BLOC1S3: variants seen among roughly 807,000 people sequenced by gnomAD.
The protein encoded by BLOC1S3 is biogenesis of lysosome-related organelles complex 1 subunit 3.
In BLOC1S3, 7 loss-of-function variants were observed where a neutral mutation model predicts 9.1. The observed-to-expected ratio is 0.77, with a 90% CI of 0.44 to 1.45. BLOC1S3 has a LOEUF of 1.45. Ranked by LOEUF, BLOC1S3 falls within the 40% of genes most tolerant of loss-of-function variation. BLOC1S3 has a pLI of 0.01. For synonymous variants in BLOC1S3, 145 were observed against 158.4 expected (o/e 0.92, Z 0.64); for missense variants, 307 against 315.2 (o/e 0.97, Z 0.20).
intron 3 of BLOC1S3, among the ~76,000 whole-genome samples, chr19:45,216,477 G>A (rs576630852): frequency 1.3e-5 from 2 of 152,242 alleles, no homozygotes; most frequent in Admixed American, 1.3e-4. Context: ...TACTCAGGAG[G>A]CTGAAGCAGG....
intron 2 of BLOC1S3, among the ~76,000 whole-genome samples, chr19:45,193,789 G>GTT (rs375395115): frequency 3.9e-5 from 5 of 129,094 alleles, no homozygotes; most frequent in African/African-American, 1.5e-4. Flanking sequence ...CATTTTTTCT[G>GTT]TTTTTTTTTT....
chr19:45,190,441 C>T (rs1248761132), intron 2 of BLOC1S3, among the ~76,000 whole-genome samples: 2 of 151,662 alleles, frequency 1.3e-5, no homozygotes, highest in African/African-American at 4.8e-5. Flanking sequence ...GCTCTATCAC[C>T]CAGGCTGGAG....
intron 2 of BLOC1S3, among the ~76,000 whole-genome samples, chr19:45,195,450 G>A (rs996084224): frequency 2.0e-5 from 3 of 151,560 alleles, no homozygotes; most frequent in African/African-American, 7.3e-5. Flanking sequence ...CAAGTGATCC[G>A]CCCACTTTGG....
rs947596880 is a variant in BLOC1S3 at position 45,180,195 on chromosome 19, T to G, written c.*290T>G. On this transcript the variant is annotated 3_prime_UTR_variant, in exon 2 of 2. Coordinates refer to ENST00000433642, the MANE Select transcript of BLOC1S3 (RefSeq NM_212550.5). ...GGGCTTGGCTCCAGCCTTTGTTACA[T>G]AGTTGCTCCTTAATCTGTTTCCACC... The G allele has an allele frequency of 5.9e-6, 2 of 337,770 alleles. No individual in the cohort carries two copies. The highest frequency in any genetic ancestry group is 1.1e-5 in the Non-Finnish European group (2 of 178,932). 20.9% of individuals were successfully genotyped at this position (337,770 alleles called of 1,614,324 possible). A position where few individuals can be genotyped will look rare whatever the true frequency, so the allele number is the denominator to read the frequency against.
At chr19:45,193,579 T>C (rs1440822913) in intron 2 of BLOC1S3, among the ~76,000 whole-genome samples, 4 of 151,840 alleles carry the variant, frequency 2.6e-5, no homozygotes, top group Non-Finnish European at 1.5e-5. Flanking sequence ...GCCCGTTTCT[T>C]TGTATGTTTT....
chr19:45,182,796 G>A (rs1969535663), downstream of BLOC1S3, among the ~76,000 whole-genome samples: 1 of 152,188 alleles, frequency 6.6e-6, no homozygotes, highest in South Asian at 2.1e-4. Context: ...AGGATTACAG[G>A]CATGAGCCAC....
intron 2 of BLOC1S3, among the ~76,000 whole-genome samples, chr19:45,196,674 T>C (rs11673520): frequency 0.4 from 60,824 of 151,448 alleles, 13,066 homozygotes; most frequent in Non-Finnish European, 0.46. Context: ...GGGTGGATCA[T>C]AAGGTCAGGA....
rs1969643916 is a variant in BLOC1S3 at position 45,195,806 on chromosome 19, G to A, written n.181-6600G>A. Reference sequence around the variant, plus strand: ...GACAAGGTTTCACCATGTTGGCCAGGCTGGTCTCGACCTCCCAACTTCAGG... The same window carrying A: ...GACAAGGTTTCACCATGTTGGCCAGACTGGTCTCGACCTCCCAACTTCAGG... On this transcript the variant is annotated intron_variant and non_coding_transcript_variant, in intron 2 of 3. Coordinates refer to the BLOC1S3 transcript ENST00000591569. 2.0e-5 allele frequency among the ~76,000 whole-genome samples: 3 copies of A among 152,146 alleles called. No individual in the cohort carries two copies. The South Asian group carries it at 6.2e-4, about 32-fold the overall frequency.
At chr19:45,189,986 T>G (rs1267748824) in intron 2 of BLOC1S3, among the ~76,000 whole-genome samples, 1 of 152,108 alleles carries the variant, frequency 6.6e-6, no homozygotes, top group Non-Finnish European at 1.5e-5. Context: ...TCAAATAGCC[T>G]TTCTTCAAGT....
chr19:45,213,402 A>G (rs780869435), intron 3 of BLOC1S3: 1 of 1,603,272 alleles, frequency 6.2e-7, no homozygotes, highest in Non-Finnish European at 8.5e-7. Flanking sequence ...CCCCAGCTCT[A>G]GACACACACC....
Position 45,179,177 on chromosome 19 carries a change from T to A in BLOC1S3, c.-9-111T>A, listed in dbSNP as rs531234887. 8.0e-7 allele frequency: 1 copy of A among 1,255,498 alleles called. No homozygotes were observed. Among genetic ancestry groups the A allele is most frequent in the Non-Finnish European group, 1.0e-6 (1 of 960,978 alleles). 77.8% of individuals were successfully genotyped at this position (1,255,498 alleles called of 1,614,324 possible). Reference sequence around the variant, plus strand: ...AACTGAGGCCCAGACGGGGAGCAGCTGACACCAAGTCGTTAAGAGAATCAG... The same window carrying A: ...AACTGAGGCCCAGACGGGGAGCAGCAGACACCAAGTCGTTAAGAGAATCAG... On this transcript the variant is annotated intron_variant, in intron 1 of 1. Transcript: ENST00000433642. The surrounding 1 kb of genome is among the most constrained non-coding windows in gnomAD (Gnocchi z 4.6).
intron 3 of BLOC1S3, chr19:45,216,325 C>CAA: frequency 1.5e-6 from 2 of 1,322,400 alleles, no homozygotes; most frequent in South Asian, 1.5e-5. Flanking sequence ...CCTGTAATCC[C>CAA]AGCACTTTGG....
intron 2 of BLOC1S3, among the ~76,000 whole-genome samples, chr19:45,192,093 T>C (rs1376798498): frequency 7.2e-5 from 11 of 152,298 alleles, no homozygotes; most frequent in Admixed American, 1.3e-4. Flanking sequence ...TTAGGGACTC[T>C]ACCTGGTACT....
intron 3 of BLOC1S3, among the ~76,000 whole-genome samples, chr19:45,215,431 A>G (rs1322128719): frequency 6.6e-6 from 1 of 152,096 alleles, no homozygotes; most frequent in Non-Finnish European, 1.5e-5. Context: ...TGATTGTGCC[A>G]CTGCACTCCA....
rs200809286 is a variant in BLOC1S3 at position 45,213,044 on chromosome 19, A to C, written n.283-3632A>C. 189 of 1,462,846 alleles carry C rather than the reference A, an allele frequency of 1.3e-4. No homozygotes were observed. In the African/African-American group the frequency reaches 2.5e-3, roughly 19 times the overall value. The allele number at this position is 1,462,846 out of a possible 1,614,324, so 90.6% of individuals were successfully genotyped here. ...GCTTGTCAGCAGCATAGATGGGGTC[A>C]CTAAGGCCGGCGGTTGGGTGACCCT... On this transcript the variant is annotated intron_variant and non_coding_transcript_variant, in intron 3 of 3. Coordinates refer to the BLOC1S3 transcript ENST00000591569.
chr19:45,196,773 T>C (rs1266924521), intron 2 of BLOC1S3, among the ~76,000 whole-genome samples: 1 of 151,672 alleles, frequency 6.6e-6, no homozygotes, highest in Non-Finnish European at 1.5e-5. Flanking sequence ...TGGTGGCGGG[T>C]GCCTGTAGTC....
chr19:45,183,039 G>A (rs1399523338), downstream of BLOC1S3, among the ~76,000 whole-genome samples: 2 of 152,162 alleles, frequency 1.3e-5, no homozygotes, highest in Non-Finnish European at 2.9e-5. Flanking sequence ...AGGGCCCTGA[G>A]GCAGAAGGGA....
intron 2 of BLOC1S3, among the ~76,000 whole-genome samples, chr19:45,196,257 G>C (rs1413841368): frequency 6.6e-6 from 1 of 151,566 alleles, no homozygotes; most frequent in Non-Finnish European, 1.5e-5. Context: ...ACATGCCTAT[G>C]ATCCCAGCTA....
chr19:45,209,371 T>C (rs147138769), intron 3 of BLOC1S3, among the ~76,000 whole-genome samples: 12 of 152,052 alleles, frequency 7.9e-5, no homozygotes, highest in African/African-American at 2.4e-4. Flanking sequence ...TAACAATGTA[T>C]TGTATACTTG....
Sources: gnomAD v4.1 joint callset for allele counts (sites outside exome capture counted in the v4.1 genomes callset) on GRCh38, gnomAD v4.1.1 for gene constraint, Gnocchi (gnomAD v3.1) non-coding constraint, MANE v1.5 for transcripts, NCBI Gene and HGNC (gene_info 2026-07-23, HGNC 2026-07-21) for gene names.